PPM1K: variants seen among roughly 807,000 people sequenced by gnomAD.
PPM1K encodes protein phosphatase Mn(2+)-dependent 1K.
A neutral mutation model predicts 32.6 loss-of-function variants in PPM1K; 19 were observed. That is an observed-to-expected ratio of 0.58 (90% confidence interval 0.41 to 0.86). PPM1K has a LOEUF of 0.86. Among genes scored for constraint, PPM1K ranks in the 40% least tolerant of loss-of-function variants. The pLI is 0.00. For synonymous variants in PPM1K, 159 were observed against 165.3 expected, an observed-to-expected ratio of 0.96 and a Z score of 0.29; for missense variants, 362 against 461.2, an observed-to-expected ratio of 0.78 and a Z score of 1.97.
intron 1 of PPM1K, among the ~76,000 whole-genome samples, chr4:88,283,416 T>G (rs2110177998): frequency 6.6e-6 from 1 of 152,374 alleles, no homozygotes; most frequent in Middle Eastern, 3.4e-3. Context: ...CATTGCTCTT[T>G]TTCATCGTCA....
chr4:88,278,268 C>G lies in PPM1K; in HGVS notation c.316G>C (p.Glu106Gln). The G allele has an allele frequency of 6.2e-7, 1 of 1,614,208 alleles. No homozygotes were observed. The highest frequency in any genetic ancestry group is 1.1e-5 in the South Asian group (1 of 91,078). Residue 106 changes from glutamate (E) to glutamine (Q), a missense_variant, in exon 2 of 7, where the codon GAG becomes CAG. By Grantham distance (29) the Glu-to-Gln change is conservative. Transcript: ENST00000608933. The surrounding 1 kb of genome is among the most constrained non-coding windows in gnomAD (Gnocchi z 4.2). Reference protein sequence around the residue: ...GCASQIGKRKENEDRFDFAQL... With the variant: ...GCASQIGKRKQNEDRFDFAQL... Reference sequence around the variant, plus strand: ...GCGAAGTCAAACCGATCTTCATTCTCTTTCCGTTTGCCAATCTGTGAGGCG... The same window carrying G: ...GCGAAGTCAAACCGATCTTCATTCTGTTTCCGTTTGCCAATCTGTGAGGCG...
intron 3 of PPM1K, chr4:88,276,759 A>G (rs1731781463): frequency 1.0e-6 from 1 of 1,000,890 alleles, no homozygotes; most frequent in Non-Finnish European, 1.2e-6. Context: ...GTATTTCAGC[A>G]CTTGGTCACC....
intron 3 of PPM1K, among the ~76,000 whole-genome samples, chr4:88,272,619 G>A (rs1347519617): frequency 6.6e-6 from 1 of 152,068 alleles, no homozygotes; most frequent in East Asian, 1.9e-4. Flanking sequence ...TTTATTAATT[G>A]TAAAAGTAGA....
At chr4:88,274,861 T>C (rs568586931) in intron 3 of PPM1K, 3 of 240,114 alleles carry the variant, frequency 1.2e-5, no homozygotes, top group Admixed American at 6.5e-5. Context: ...TGGCAACTTA[T>C]CAAGAATAAA....
Position 88,259,032 on chromosome 4 carries a change from A to C in PPM1K, c.*3563T>G, listed in dbSNP as rs1731020891. Reference sequence around the variant, plus strand: ...AACCCAGGAGGCGCAGCTTGCAGTGAGCCGAGATCGTGCCACTGCACTCCA... The same window carrying C: ...AACCCAGGAGGCGCAGCTTGCAGTGCGCCGAGATCGTGCCACTGCACTCCA... On this transcript the variant is annotated 3_prime_UTR_variant, in exon 7 of 7. Coordinates refer to ENST00000608933, the MANE Select transcript of PPM1K (RefSeq NM_152542.5). 1 of 151,820 alleles carries C rather than the reference A, an allele frequency of 6.6e-6. No homozygotes were observed. The highest frequency in any genetic ancestry group is 1.5e-5 in the Non-Finnish European group (1 of 68,026). The allele number at this position is 151,820 out of a possible 1,614,324, so 9.4% of individuals were successfully genotyped here. A position where few individuals can be genotyped will look rare whatever the true frequency, so the allele number is the denominator to read the frequency against.
intron 3 of PPM1K, chr4:88,276,789 A>G: frequency 2.0e-6 from 2 of 1,007,426 alleles, no homozygotes; most frequent in Non-Finnish European, 2.4e-6. Flanking sequence ...TAAAAAAAAA[A>G]CCAAAAACCC....
At position 88,257,952 on chromosome 4, in the gene PPM1K, G is replaced by A. The variant is rs937521171; in HGVS notation, c.*4643C>T. ...TAGAACACTAAGTATGACCACCAAC[G>A]CACCATTTCAACTATCTAACAACCA... On this transcript the variant is annotated 3_prime_UTR_variant, in exon 7 of 7. Coordinates refer to ENST00000608933, the MANE Select transcript of PPM1K (RefSeq NM_152542.5). 1 of 152,146 alleles carries A rather than the reference G, an allele frequency of 6.6e-6. No homozygotes were observed. Among genetic ancestry groups the A allele is most frequent in the Non-Finnish European group, 1.5e-5 (1 of 68,022 alleles). The allele number at this position is 152,146 out of a possible 1,614,324, so 9.4% of individuals were successfully genotyped here.
In PPM1K at chr4:88,282,356, C is replaced by T. The variant is rs528862373; in HGVS notation, c.-60+2050G>A. Among the ~76,000 whole-genome samples, 12 of 152,268 alleles carry T rather than the reference C, an allele frequency of 7.9e-5. No individual in the cohort carries two copies. In the South Asian group the frequency reaches 1.4e-3, roughly 18 times the overall value. ...ATTCAGGAGTTCTAAAGTTCTGAAA[C>T]CTGCTTAGATTTTATCCCTCTAGAA... On this transcript the variant is annotated intron_variant, in intron 1 of 6. Coordinates refer to ENST00000608933, the MANE Select transcript of PPM1K (RefSeq NM_152542.5).
intron 5 of PPM1K, among the ~76,000 whole-genome samples, chr4:88,266,445 G>A (rs759268036): frequency 6.6e-6 from 1 of 151,978 alleles, no homozygotes; most frequent in Non-Finnish European, 1.5e-5. Context: ...CTGGGTGCAG[G>A]TGTTGCTGGC....
chr4:88,278,010 C>G lies in PPM1K; in HGVS notation c.440+134G>C. On this transcript the variant is annotated intron_variant, in intron 2 of 6. Transcript: ENST00000608933. The surrounding 1 kb of genome is among the most constrained non-coding windows in gnomAD (Gnocchi z 4.2). Reference sequence around the variant, plus strand: ...AGTAATAAATGGCACACTTAAACTACTGCTCATTCGTGAAGCAGCAGCATG... The same window carrying G: ...AGTAATAAATGGCACACTTAAACTAGTGCTCATTCGTGAAGCAGCAGCATG... 1 of 689,066 alleles carries G rather than the reference C, an allele frequency of 1.5e-6. No homozygotes were observed. Among genetic ancestry groups the G allele is most frequent in the Non-Finnish European group, 2.4e-6 (1 of 410,692 alleles). 42.7% of individuals were successfully genotyped at this position (689,066 alleles called of 1,614,324 possible). A position where few individuals can be genotyped will look rare whatever the true frequency, so the allele number is the denominator to read the frequency against.
intron 4 of PPM1K, among the ~76,000 whole-genome samples, 177 bp from the exon 5 acceptor site, chr4:88,268,511 C>T (rs1051247855): frequency 2.6e-5 from 4 of 152,142 alleles, no homozygotes; most frequent in African/African-American, 9.7e-5. Flanking sequence ...GTCCCAGCTA[C>T]TCAGGAGGCT....
rs973795508 is a variant in PPM1K, at chr4:88,275,450, C to A, written c.541+1693G>T. 3 of 985,034 alleles carry A rather than the reference C, an allele frequency of 3.0e-6. No homozygotes were observed. In the African/African-American group the frequency reaches 5.2e-5, roughly 17 times the overall value. The allele number at this position is 985,034 out of a possible 1,614,324, so 61.0% of individuals were successfully genotyped here. On this transcript the variant is annotated intron_variant, in intron 3 of 6. Transcript: ENST00000608933. ...AAATTCTGTTGAGTTATACTTCATT[C>A]AATAATAAAAGGAGTCCTGTCATAT...
chr4:88,262,733 G>C lies in PPM1K; in HGVS notation c.988-7C>G, dbSNP rs1335866068. 5 of 1,589,100 alleles carry C rather than the reference G, an allele frequency of 3.1e-6. No individual in the cohort carries two copies. In the South Asian group the frequency reaches 5.8e-5, roughly 18 times the overall value. ...CAGTACCGTACTGTATTGCCTGCAA[G>C]GTTTGGCAGGAAGAAAGAGAAAAAC... On this transcript the variant is annotated splice_polypyrimidine_tract_variant and splice_region_variant and intron_variant, in intron 6 of 6. Coordinates refer to ENST00000608933, the MANE Select transcript of PPM1K (RefSeq NM_152542.5).
intron 4 of PPM1K, 115 bp from the exon 5 acceptor site, chr4:88,268,449 C>G: frequency 1.6e-6 from 2 of 1,241,262 alleles, no homozygotes; most frequent in Non-Finnish European, 2.3e-6. Context: ...GGTGAAACCC[C>G]GTCTCTACTA....
Position 88,268,749 on chromosome 4 carries a change from T to C in PPM1K, c.699A>G (p.Glu233=). The change falls in exon 4 of 7, where the codon GAA becomes GAG. Residue 233 remains glutamate (E), a synonymous_variant. Coordinates refer to ENST00000608933, the MANE Select transcript of PPM1K (RefSeq NM_152542.5). ...TIDHTPERKD[E]KERIKKCGGF... The stretch of plus-strand genomic sequence containing the variant: ...ATCAGTGGTGGTAGTACCTTTCTTT[T>C]TCATCTTTTCTTTCTGGAGTATGGT... 2 of 1,613,834 alleles carry C rather than the reference T, an allele frequency of 1.2e-6. No homozygotes were observed. Among genetic ancestry groups the C allele is most frequent in the African/African-American group, 2.7e-5 (2 of 75,012 alleles).
intron 3 of PPM1K, among the ~76,000 whole-genome samples, chr4:88,270,444 G>A (rs1042630216): frequency 6.6e-6 from 1 of 151,360 alleles, no homozygotes; most frequent in Non-Finnish European, 1.5e-5. Flanking sequence ...TAACATAAAT[G>A]TTTTAGCATA....
intron 5 of PPM1K, 105 bp from the exon 6 acceptor site, chr4:88,265,240 A>T: frequency 7.7e-7 from 1 of 1,306,322 alleles, no homozygotes; most frequent in Non-Finnish European, 1.1e-6. Context: ...CATCTGTGTA[A>T]CAGCTTGTAA....
intron 1 of PPM1K, chr4:88,279,669 CA>C (rs1731932776): frequency 6.6e-6 from 1 of 152,180 alleles, no homozygotes; most frequent in South Asian, 2.1e-4. Context: ...GGGTGTTACC[CA>C]GGGGAACTCC....
In PPM1K at chr4:88,275,501, G is replaced by T. The variant is rs1731729598; in HGVS notation, c.541+1642C>A. 2.0e-6 allele frequency: 2 copies of T among 985,110 alleles called. 1 individual carries two copies. The highest frequency in any genetic ancestry group is 9.4e-5 in the South Asian group (2 of 21,270). The allele number at this position is 985,110 out of a possible 1,614,324, so 61.0% of individuals were successfully genotyped here. A position where few individuals can be genotyped will look rare whatever the true frequency, so the allele number is the denominator to read the frequency against. On this transcript the variant is annotated intron_variant, in intron 3 of 6. Transcript: ENST00000608933. Reference sequence around the variant, plus strand: ...TTTACATCAAGTCAATCACCGATTGGTTTAAGCATCTACATTGACTAGATA... The same window carrying T: ...TTTACATCAAGTCAATCACCGATTGTTTTAAGCATCTACATTGACTAGATA...
Sources: allele counts gnomAD v4.1 joint callset (sites outside exome capture counted in the v4.1 genomes callset), GRCh38; gene constraint gnomAD v4.1.1; non-coding constraint Gnocchi (gnomAD v3.1); transcripts MANE v1.5; gene names NCBI Gene and HGNC (gene_info 2026-07-23, HGNC 2026-07-21).